ABCB5: variants seen among roughly 807,000 people sequenced by gnomAD.
The protein encoded by ABCB5 is ATP-binding cassette sub-family B member 5.
In ABCB5, 155 loss-of-function variants were observed where a neutral mutation model predicts 144.2. That is an observed-to-expected ratio of 1.08 (90% CI 0.94 to 1.23). The LOEUF (loss-of-function observed/expected upper bound fraction) is 1.23, where lower values mean the gene tolerates loss of function less well. Ranked by LOEUF, ABCB5 falls within the 50% of genes most tolerant of loss-of-function variation. ABCB5 has a pLI of 0.00. For missense variants in ABCB5, 1,830 were observed against 1,520.8 expected, an observed-to-expected ratio of 1.20 and a Z score of -3.38; for synonymous variants, 610 against 528.6, an observed-to-expected ratio of 1.15 and a Z score of -2.11.
At chr7:20,754,431 C>G (rs192356710) in intron 27 of ABCB5, among the ~76,000 whole-genome samples, 25 of 152,186 alleles carry the variant, frequency 1.6e-4, no homozygotes, top group Non-Finnish European at 3.1e-4. Context: ...CTTGGTCTAA[C>G]CTCAGTTCAG....
In ABCB5 at chr7:20,620,940, T is replaced by C. The variant is rs937251818; in HGVS notation, c.-21-2325T>C. Among the ~76,000 whole-genome samples the C allele has an allele frequency of 3.3e-5, 5 of 152,138 alleles. 1 individual carries two copies. The South Asian group carries it at 1.0e-3, about 31-fold the overall frequency. On this transcript the variant is annotated intron_variant, in intron 1 of 27. Transcript: ENST00000404938. ...GAGGATACTCAAACAAATACTTCTA[T>C]GCCAATGTTCACAGAAAACATTATT...
Position 20,647,964 on chromosome 7 carries a change from C to T in ABCB5, c.1096-4C>T, listed in dbSNP as rs758721304. 1 of 1,553,348 alleles carries T rather than the reference C, an allele frequency of 6.4e-7. No individual in the cohort carries two copies. The highest frequency in any genetic ancestry group is 8.9e-7 in the Non-Finnish European group (1 of 1,126,006). ...ATTTATAACATTTCCTTTGTTTTTC[C>T]AAGAAACCCAGTATAGATAACTTTT... On this transcript the variant is annotated splice_polypyrimidine_tract_variant and splice_region_variant and intron_variant, in intron 10 of 27. Coordinates refer to ENST00000404938, the MANE Select transcript of ABCB5 (RefSeq NM_001163941.2).
In ABCB5 at chr7:20,662,916, C is replaced by T. The variant is rs570384939; in HGVS notation, c.1707+4240C>T. Reference sequence around the variant, plus strand: ...TACTCTTGAGGGAGTCATAGACCCCCGAAGCCATTTGTGGGTCCTTATTTT... The same window carrying T: ...TACTCTTGAGGGAGTCATAGACCCCTGAAGCCATTTGTGGGTCCTTATTTT... On this transcript the variant is annotated intron_variant, in intron 14 of 27. Coordinates refer to ENST00000404938, the MANE Select transcript of ABCB5 (RefSeq NM_001163941.2). Among the ~76,000 whole-genome samples the T allele has an allele frequency of 4.6e-5, 7 of 152,220 alleles. No homozygotes were observed. In the South Asian group the frequency reaches 6.2e-4, roughly 14 times the overall value.
intron 1 of ABCB5, among the ~76,000 whole-genome samples, chr7:20,618,182 G>A (rs932224869): frequency 2.6e-5 from 4 of 152,056 alleles, no homozygotes; most frequent in Admixed American, 6.6e-5. Flanking sequence ...AAGAAACCCT[G>A]TATCCCTCTC....
At chr7:20,638,596 T>C (rs556892426) in intron 5 of ABCB5, among the ~76,000 whole-genome samples, 3 of 152,346 alleles carry the variant, frequency 2.0e-5, no homozygotes, top group South Asian at 4.1e-4. Flanking sequence ...TGTATATGCA[T>C]GGAAATATAT....
rs1782102407 is a variant in ABCB5 at position 20,728,334 on chromosome 7, C to T, written c.2746C>T (p.Gln916Ter). 1 of 1,613,970 alleles carries T rather than the reference C, an allele frequency of 6.2e-7. No individual in the cohort carries two copies. The highest frequency in any genetic ancestry group is 8.5e-7 in the Non-Finnish European group (1 of 1,179,942). Residue 916 changes from glutamine (Q) to a stop codon, truncating the protein, a stop_gained, in exon 23 of 28, where the codon CAG becomes TAG. Transcript: ENST00000404938. LOFTEE classifies it high-confidence loss of function. ...TQHRNTSKKA[Q>*]IIGSCYAFSH... ...TTCCAGAAATACCTCGAAGAAAGCA[C>T]AGATTATTGGAAGCTGTTATGCATT...
intron 12 of ABCB5, 64 bp from the exon 13 acceptor site, chr7:20,651,356 T>G: frequency 6.5e-7 from 1 of 1,539,084 alleles, no homozygotes; most frequent in Non-Finnish European, 8.9e-7. Flanking sequence ...TGGTCTAGTA[T>G]GAAAAACCCT....
intron 22 of ABCB5, 63 bp from the exon 23 acceptor site, chr7:20,728,252 A>T: frequency 6.4e-7 from 1 of 1,563,008 alleles, no homozygotes. Flanking sequence ...ATTACTCTAC[A>T]TGTATTCAAT....
rs541560855 is a variant in ABCB5, at chr7:20,753,488, C to T, written c.3558C>T (p.Leu1186=). The change falls in exon 27 of 28, where the codon CTC becomes CTT. Residue 1186 remains leucine, a synonymous_variant. Coordinates refer to ENST00000404938, the MANE Select transcript of ABCB5 (RefSeq NM_001163941.2). The stretch of plus-strand genomic sequence containing the variant: ...TGTTGGATGAGGCCACTTCAGCCCT[C>T]GATAATGACAGTGAGAAGGTAACAT... The part of the protein sequence containing the change: ...ILLLDEATSA[L]DNDSEKVVQH... 4.3e-6 allele frequency: 7 copies of T among 1,612,602 alleles called. No homozygotes were observed. Among genetic ancestry groups the T allele is most frequent in the East Asian group, 4.5e-5 (2 of 44,842 alleles).
chr7:20,624,061 G>C (rs7777864), intron 2 of ABCB5, among the ~76,000 whole-genome samples: 46,065 of 152,030 alleles, frequency 0.3, 7,689 homozygotes, highest in African/African-American at 0.44. Flanking sequence ...CTCCTTTAAT[G>C]TTTTTGTTGT....
chr7:20,641,586 A>G (rs969537990), intron 5 of ABCB5: 1 of 154,154 alleles, frequency 6.5e-6, no homozygotes, highest in African/African-American at 2.4e-5. Context: ...ACAGGTGGCA[A>G]TTGAACATCC....
chr7:20,733,160 G>A (rs951291411), intron 23 of ABCB5, among the ~76,000 whole-genome samples: 9 of 151,882 alleles, frequency 5.9e-5, no homozygotes, highest in African/African-American at 1.9e-4. Context: ...CCAGATTCCA[G>A]AGGTTTGGTT....
intron 20 of ABCB5, among the ~76,000 whole-genome samples, chr7:20,708,820 T>C (rs1490766176): frequency 6.6e-6 from 1 of 152,260 alleles, no homozygotes; most frequent in Non-Finnish European, 1.5e-5. Context: ...GCTTGTTTTC[T>C]GCTGTACAAA....
intron 14 of ABCB5, among the ~76,000 whole-genome samples, chr7:20,660,567 T>C (rs13223438): frequency 0.16 from 23,907 of 152,038 alleles, 2,511 homozygotes; most frequent in African/African-American, 0.28. Context: ...TGTAGCACCA[T>C]GACAGCCCTC....
intron 7 of ABCB5, among the ~76,000 whole-genome samples, chr7:20,644,720 A>C (rs1583388877): frequency 6.6e-6 from 1 of 152,338 alleles, no homozygotes; most frequent in East Asian, 1.9e-4. Context: ...TTCTTTATGG[A>C]AATCCAGTTC....
intron 25 of ABCB5, among the ~76,000 whole-genome samples, chr7:20,743,756 C>T (rs1782633104): frequency 6.6e-6 from 1 of 152,122 alleles, no homozygotes; most frequent in Non-Finnish European, 1.5e-5. Context: ...CATGTTAGTC[C>T]TCATTCTCCT....
intron 23 of ABCB5, among the ~76,000 whole-genome samples, chr7:20,736,699 A>C (rs1201505077): frequency 6.6e-6 from 1 of 152,206 alleles, no homozygotes; most frequent in Non-Finnish European, 1.5e-5. Flanking sequence ...GATATGGTTT[A>C]ACTATGTTAC....
chr7:20,623,473 CAT>C, intron 2 of ABCB5, 135 bp downstream of exon 2: 1 of 707,624 alleles, frequency 1.4e-6, no homozygotes, highest in East Asian at 2.7e-5. Context: ...TGAACTTGAA[CAT>C]AAGCAGTCTT....
chr7:20,753,402 G>A lies in ABCB5; in HGVS notation c.3472G>A (p.Gly1158Ser). 6.2e-7 allele frequency: 1 copy of A among 1,614,070 alleles called. No individual in the cohort carries two copies. The change falls in exon 27 of 28, where the codon GGC becomes AGC. Residue 1158 changes from glycine (G) to serine (S), a missense_variant. Coordinates refer to ENST00000404938, the MANE Select transcript of ABCB5 (RefSeq NM_001163941.2). ...TGGACTGAAAGGAGCACAGCTTTCT[G>A]GCGGCCAGAAACAAAGACTAGCTAT... The part of the protein sequence containing the change: ...QVGLKGAQLS[G>S]GQKQRLAIAR...
Sources: allele counts gnomAD v4.1 joint callset (sites outside exome capture counted in the v4.1 genomes callset), GRCh38; gene constraint gnomAD v4.1.1; transcripts MANE v1.5; gene names NCBI Gene and HGNC (gene_info 2026-07-23, HGNC 2026-07-21).